TTC39C: variants seen among roughly 807,000 people sequenced by gnomAD.
The protein encoded by TTC39C is tetratricopeptide repeat domain 39C, also known as tetratricopeptide repeat protein 39C.
TTC39C carries 33 observed loss-of-function variants against 76.3 expected under a neutral mutation model. That is an observed-to-expected ratio of 0.43 (90% confidence interval 0.33 to 0.58). The LOEUF is 0.58. Ranked by LOEUF, TTC39C falls within the 20% of genes least tolerant of loss-of-function variation. TTC39C has a pLI of 0.04. For missense variants in TTC39C, 595 were observed against 701.4 expected (o/e 0.85, Z 1.71); for synonymous variants, 254 against 260.6 (o/e 0.97, Z 0.24).
At position 24,082,910 on chromosome 18, in the gene TTC39C, T is replaced by G; in HGVS notation, c.816-3T>G. 6.3e-7 allele frequency: 1 copy of G among 1,584,228 alleles called. No individual in the cohort carries two copies. Among genetic ancestry groups the G allele is most frequent in the Non-Finnish European group, 8.6e-7 (1 of 1,163,786 alleles). On this transcript the variant is annotated splice_polypyrimidine_tract_variant and splice_region_variant and intron_variant, in intron 5 of 13. Coordinates refer to ENST00000317571, the MANE Select transcript of TTC39C (RefSeq NM_001135993.2). ...CTCAATGTTTCTCTCCCTCTTCCTC[T>G]AGATTAGCTCTGCTCTGGTATCATA...
intron 3 of TTC39C, among the ~76,000 whole-genome samples, chr18:24,068,587 T>G (rs967168766): frequency 1.3e-5 from 2 of 152,238 alleles, no homozygotes; most frequent in Admixed American, 6.5e-5. Flanking sequence ...TGATTTGACT[T>G]TTTGCATATT....
intron 6 of TTC39C, among the ~76,000 whole-genome samples, chr18:24,088,664 TC>T (rs1226358325): frequency 3.3e-5 from 5 of 152,190 alleles, no homozygotes; most frequent in Admixed American, 3.3e-4. Flanking sequence ...CTCACTCCGT[TC>T]CTGCTGAGAA....
chr18:24,058,263 A>G (rs2084042373), intron 1 of TTC39C, among the ~76,000 whole-genome samples: 1 of 152,218 alleles, frequency 6.6e-6, no homozygotes, highest in African/African-American at 2.4e-5. Flanking sequence ...CATCTGTGAC[A>G]CACAATTTAC....
rs139065111 is a variant in TTC39C at position 24,082,949 on chromosome 18, G to A, written c.852G>A (p.Pro284=). ...ALLWYHTVVR[P]FFALDGSDNK... The stretch of plus-strand genomic sequence containing the variant: ...TCTGGTATCATACTGTAGTCCGCCC[G>A]TTTTTTGCCTTGGATGGCAGTGATA... The change falls in exon 6 of 14, where the codon CCG becomes CCA. Residue 284 remains proline (P), a synonymous_variant. Transcript: ENST00000317571. 23 of 1,613,730 alleles carry A rather than the reference G, an allele frequency of 1.4e-5. No individual in the cohort carries two copies. Among genetic ancestry groups the A allele is most frequent in the East Asian group, 4.5e-5 (2 of 44,890 alleles).
At chr18:24,117,007 G>A (rs78913595) in intron 7 of TTC39C, among the ~76,000 whole-genome samples, 6,735 of 151,506 alleles carry the variant, frequency 0.044, 354 homozygotes, top group East Asian at 0.23. Flanking sequence ...TTATAGAGAT[G>A]GGGTTTCACC....
intron 10 of TTC39C, 77 bp from the exon 11 acceptor site, chr18:24,128,809 A>T: frequency 8.6e-7 from 1 of 1,159,522 alleles, no homozygotes; most frequent in East Asian, 2.5e-5. Context: ...TGAAACATTT[A>T]CCTCACTCTT....
intron 11 of TTC39C, among the ~76,000 whole-genome samples, chr18:24,129,291 G>A (rs552333187): frequency 1.0e-3 from 158 of 152,278 alleles, no homozygotes; most frequent in Non-Finnish European, 1.7e-3. Context: ...TTGAAGGAGC[G>A]GAGTGAAGTC....
chr18:24,118,244 A>G lies in TTC39C; in HGVS notation c.1186+12A>G, dbSNP rs746080960. ...CTACTTGACTGCAGGTGAGTCGCCC[A>G]TGGTCCCTCAGTGTGCCTCTCTCTG... On this transcript the variant is annotated intron_variant, in intron 8 of 13. Transcript: ENST00000317571. The G allele has an allele frequency of 1.9e-5, 31 of 1,603,862 alleles. No homozygotes were observed. The highest frequency in any genetic ancestry group is 2.4e-5 in the Non-Finnish European group (28 of 1,172,680).
chr18:24,114,684 A>G (rs1182611731), intron 7 of TTC39C, 37 bp downstream of exon 7: 1 of 1,506,526 alleles, frequency 6.6e-7, no homozygotes, highest in Admixed American at 1.7e-5. Flanking sequence ...CTTGTTAAGA[A>G]GTAGTATTAA....
At chr18:24,128,504 G>A (rs776536388) in intron 10 of TTC39C, among the ~76,000 whole-genome samples, 12 of 151,768 alleles carry the variant, frequency 7.9e-5, no homozygotes, top group Non-Finnish European at 1.6e-4. Flanking sequence ...TGGAAATAAT[G>A]GTGTTACTTC....
rs184021987 is a variant in TTC39C at position 24,116,593 on chromosome 18, C to T, written c.1079-1532C>T. ...CTCTAAACTATGTCAATATCACATC[C>T]CATAGAATTTGACAGTGAATTTTCT... On this transcript the variant is annotated intron_variant, in intron 7 of 13. Transcript: ENST00000317571. Among the ~76,000 whole-genome samples the T allele has an allele frequency of 1.5e-4, 23 of 152,202 alleles. No individual in the cohort carries two copies. In the East Asian group the frequency reaches 4.1e-3, roughly 27 times the overall value.
At chr18:24,113,288 G>A (rs918990564) in intron 6 of TTC39C, 11 of 417,714 alleles carry the variant, frequency 2.6e-5, no homozygotes, top group African/African-American at 1.2e-4. Flanking sequence ...CGAGTCACAG[G>A]CTGTCCTGAA....
At chr18:24,124,448 G>A (rs2085020437) in intron 9 of TTC39C, among the ~76,000 whole-genome samples, 1 of 152,114 alleles carries the variant, frequency 6.6e-6, no homozygotes. Flanking sequence ...TGAGAATAGA[G>A]AACACATCAC....
At chr18:24,123,739 C>T in intron 8 of TTC39C, 95 bp from the exon 9 acceptor site, 1 of 874,398 alleles carries the variant, frequency 1.1e-6, no homozygotes. Context: ...ATATTTGCTC[C>T]TGCTTTTTTT....
chr18:24,019,188 C>T (rs969162888), intron 1 of TTC39C, among the ~76,000 whole-genome samples: 3 of 152,186 alleles, frequency 2.0e-5, no homozygotes, highest in African/African-American at 7.2e-5. Context: ...GTTCTTATTT[C>T]TGCTGCCCTG....
intron 1 of TTC39C, among the ~76,000 whole-genome samples, chr18:23,993,724 T>G (rs1286257649): frequency 6.6e-6 from 1 of 152,204 alleles, no homozygotes; most frequent in African/African-American, 2.4e-5. Context: ...AGCAATGCTA[T>G]TCTAGATAAT....
chr18:24,055,476 A>G (rs149754658), intron 1 of TTC39C, among the ~76,000 whole-genome samples: 261 of 152,182 alleles, frequency 1.7e-3, no homozygotes, highest in African/African-American at 5.8e-3. Flanking sequence ...GCATTTCCCT[A>G]GTGATTAGTG....
At chr18:24,066,262 A>C in intron 3 of TTC39C, 122 bp downstream of exon 3, 1 of 1,266,694 alleles carries the variant, frequency 7.9e-7, no homozygotes, top group South Asian at 1.5e-5. Flanking sequence ...AAAAACCACA[A>C]TGTTTCTTAT....
At chr18:24,077,296 C>T (rs1403407033) in intron 4 of TTC39C, 1 of 152,138 alleles carries the variant, frequency 6.6e-6, no homozygotes, top group East Asian at 1.9e-4. Flanking sequence ...TAAATTTATC[C>T]CTCCAAATTT....
Sources: gnomAD v4.1 joint callset for allele counts (sites outside exome capture counted in the v4.1 genomes callset) on GRCh38, gnomAD v4.1.1 for gene constraint, MANE v1.5 for transcripts, NCBI Gene and HGNC (gene_info 2026-07-23, HGNC 2026-07-21) for gene names.